Variants in RBPJ observed in about 807,000 individuals in gnomAD.
RBPJ encodes recombining binding protein suppressor of hairless.
RBPJ carries 9 observed loss-of-function variants against 67.8 expected under a neutral mutation model. That is an observed-to-expected ratio of 0.13 (90% CI 0.08 to 0.23). RBPJ has a LOEUF of 0.23. RBPJ is among the 10% of genes least tolerant of loss of function. The pLI is 1.00. For synonymous variants in RBPJ, 198 were observed against 203.3 expected, an observed-to-expected ratio of 0.97 and a Z score of 0.22; for missense variants, 305 against 595.6, an observed-to-expected ratio of 0.51 and a Z score of 5.08.
chr4:26,217,955 G>T (rs183504162), intron 1 of RBPJ, among the ~76,000 whole-genome samples: 4 of 152,156 alleles, frequency 2.6e-5, no homozygotes, highest in Non-Finnish European at 5.9e-5. Flanking sequence ...TGCGCTCAAA[G>T]GTTTTGGAAA....
chr4:26,355,241 A>AT (rs1361986305), intron 1 of RBPJ, among the ~76,000 whole-genome samples: 1 of 151,968 alleles, frequency 6.6e-6, no homozygotes, highest in Non-Finnish European at 1.5e-5. Flanking sequence ...TATATATTTT[A>AT]TTTTTTGTTG....
chr4:26,215,609 C>G (rs1303117540), intron 1 of RBPJ, among the ~76,000 whole-genome samples: 1 of 152,060 alleles, frequency 6.6e-6, no homozygotes, highest in Non-Finnish European at 1.5e-5. Flanking sequence ...GATTTTGCCG[C>G]AAGAATATTT....
chr4:26,145,447 T>A, the RBPJ span, among the ~76,000 whole-genome samples: 1 of 152,226 alleles, frequency 6.6e-6, no homozygotes. Context: ...AATCCCTTCA[T>A]GTCAGTTACT....
intron 1 of RBPJ, among the ~76,000 whole-genome samples, chr4:26,374,312 A>G (rs1342062757): frequency 6.6e-6 from 1 of 152,042 alleles, no homozygotes; most frequent in African/African-American, 2.4e-5. Context: ...CCCTTGCAAA[A>G]TTTAGTCAGT....
At chr4:26,347,942 CT>C (rs56228942) in intron 1 of RBPJ, among the ~76,000 whole-genome samples, 76,120 of 144,862 alleles carry the variant, frequency 0.53, 20,329 homozygotes, top group Admixed American at 0.63. Context: ...CTGCTGTTTC[CT>C]TTTTTTTTTT....
chr4:26,316,366 T>C (rs1003511889), upstream of RBPJ, among the ~76,000 whole-genome samples: 1 of 146,508 alleles, frequency 6.8e-6, no homozygotes, highest in African/African-American at 2.5e-5. Context: ...TATACATTCA[T>C]ATATACATTC....
chr4:26,271,188 A>C (rs968638906), intron 1 of RBPJ, among the ~76,000 whole-genome samples: 1 of 152,134 alleles, frequency 6.6e-6, no homozygotes, highest in Non-Finnish European at 1.5e-5. Flanking sequence ...CTACAGATGC[A>C]TGCCACCTTG....
At chr4:26,153,729 A>G in the RBPJ span, among the ~76,000 whole-genome samples, 1 of 152,150 alleles carries the variant, frequency 6.6e-6, no homozygotes, top group Non-Finnish European at 1.5e-5. Flanking sequence ...ACCATATTAT[A>G]ACTTAGGCCG....
intron 1 of RBPJ, among the ~76,000 whole-genome samples, chr4:26,382,879 T>C (rs1730465822): frequency 6.6e-6 from 1 of 152,064 alleles, no homozygotes; most frequent in Admixed American, 6.6e-5. Context: ...TCCTTTTGAG[T>C]TTTTTCCAGA....
chr4:26,300,654 A>G (rs115069037), intron 1 of RBPJ, among the ~76,000 whole-genome samples: 146 of 152,262 alleles, frequency 9.6e-4, no homozygotes, highest in African/African-American at 3.2e-3. Context: ...TCATTATTTA[A>G]AATGTCTGAC....
upstream of RBPJ, chr4:26,319,887 AGGTAGGAGGAGGGGGCGGG>A: frequency 6.4e-7 from 1 of 1,564,458 alleles, no homozygotes; most frequent in Non-Finnish European, 8.8e-7. Context: ...GGGGGGCTGC[AGGTAGGAGGAGGGGGCGGG>A]ATTCGGGCCC....
At chr4:26,130,155 C>T in the RBPJ span, among the ~76,000 whole-genome samples, 1 of 152,196 alleles carries the variant, frequency 6.6e-6, no homozygotes, top group Non-Finnish European at 1.5e-5. Flanking sequence ...GCCACCATGC[C>T]CAGCCTCAGA....
chr4:26,221,429 G>A (rs972753301), intron 1 of RBPJ, among the ~76,000 whole-genome samples: 1 of 152,114 alleles, frequency 6.6e-6, no homozygotes, highest in Non-Finnish European at 1.5e-5. Flanking sequence ...AGTTTGCTGG[G>A]TCCATTTCTA....
chr4:26,300,448 C>T (rs1262240467), intron 1 of RBPJ, among the ~76,000 whole-genome samples: 1 of 152,190 alleles, frequency 6.6e-6, no homozygotes, highest in Non-Finnish European at 1.5e-5. Context: ...AAACGGCAAA[C>T]TTAAAATTGT....
In RBPJ at chr4:26,254,071, T is replaced by G. The variant is rs182689191; in HGVS notation, c.-167+90457T>G. On this transcript the variant is annotated intron_variant, in intron 1 of 4. Coordinates refer to the RBPJ transcript ENST00000512351. ...GGAACATGCCCCATTGTATCTTCTCTGAGCATCAGTCTGTCCACTTCTTCC... is the reference window on the plus strand; with the variant it reads ...GGAACATGCCCCATTGTATCTTCTCGGAGCATCAGTCTGTCCACTTCTTCC... Among the ~76,000 whole-genome samples the G allele has an allele frequency of 6.7e-5, 10 of 148,942 alleles. No homozygotes were observed. The East Asian group carries it at 1.9e-3, about 29-fold the overall frequency.
intron 1 of RBPJ, among the ~76,000 whole-genome samples, chr4:26,215,582 C>T (rs1718697630): frequency 6.6e-6 from 1 of 152,140 alleles, no homozygotes; most frequent in African/African-American, 2.4e-5. Context: ...TTCACAACTA[C>T]CTATCTAGAA....
the RBPJ span, among the ~76,000 whole-genome samples, chr4:26,126,081 T>C: frequency 1.3e-5 from 2 of 152,234 alleles, no homozygotes; most frequent in African/African-American, 2.4e-5. Flanking sequence ...AAAAAATCCA[T>C]CTTTGCATTC....
At chr4:26,283,214 C>A (rs529089341) in intron 1 of RBPJ, among the ~76,000 whole-genome samples, 32 of 146,746 alleles carry the variant, frequency 2.2e-4, no homozygotes, top group Admixed American at 1.2e-3. Flanking sequence ...CAGGCAGGAG[C>A]CACCGCTCCC....
intron 5 of RBPJ, among the ~76,000 whole-genome samples, chr4:26,423,147 CA>C (rs1735314197): frequency 6.6e-6 from 1 of 152,142 alleles, no homozygotes; most frequent in Non-Finnish European, 1.5e-5. Context: ...GTTGGAAAGA[CA>C]GATTTCATTC....
Sources: allele counts gnomAD v4.1 joint callset (sites outside exome capture counted in the v4.1 genomes callset), GRCh38; gene constraint gnomAD v4.1.1; transcripts MANE v1.5; gene names NCBI Gene and HGNC (gene_info 2026-07-23, HGNC 2026-07-21).